PDE1C: variants seen among roughly 807,000 people sequenced by gnomAD.
PDE1C encodes the protein phosphodiesterase 1C.
Under a neutral mutation model 93.1 loss-of-function variants are expected in PDE1C, and 62 were observed. The observed-to-expected ratio is 0.67, with a 90% confidence interval of 0.54 to 0.82. PDE1C has a LOEUF of 0.82. PDE1C is among the 40% of genes least tolerant of loss of function. The pLI, the probability that PDE1C is intolerant of heterozygous loss-of-function variation, is 0.00. For missense variants in PDE1C, 742 were observed against 884.6 expected (o/e 0.84, Z 2.04); for synonymous variants, 325 against 310.1 (o/e 1.05, Z -0.50).
At chr7:31,861,488 G>A (rs1218440088) in intron 7 of PDE1C, among the ~76,000 whole-genome samples, 1 of 151,818 alleles carries the variant, frequency 6.6e-6, no homozygotes, top group East Asian at 1.9e-4. Context: ...CTCTGTAAAT[G>A]GATGTCTACT....
At chr7:31,746,967 A>C (rs1794020375), downstream of PDE1C, among the ~76,000 whole-genome samples, 1 of 152,176 alleles carries the variant, frequency 6.6e-6, no homozygotes, top group Non-Finnish European at 1.5e-5. Context: ...CTTCTCCTAG[A>C]AAGGTAGGTA....
chr7:32,109,110 T>C (rs981426630), intron 3 of PDE1C, among the ~76,000 whole-genome samples: 1 of 152,170 alleles, frequency 6.6e-6, no homozygotes, highest in Admixed American at 6.5e-5. Context: ...CACCCTTCTC[T>C]GGACACAGCA....
At chr7:31,624,217 A>G in the PDE1C span, among the ~76,000 whole-genome samples, 62 of 147,346 alleles carry the variant, frequency 4.2e-4, no homozygotes, top group East Asian at 3.9e-3. Context: ...TATAGATTCA[A>G]TGCCATCCCC....
chr7:31,714,828 G>T, the PDE1C span, among the ~76,000 whole-genome samples: 2 of 152,146 alleles, frequency 1.3e-5, no homozygotes, highest in Non-Finnish European at 2.9e-5. Flanking sequence ...CCTCCCACCA[G>T]GTCCCTCCCA....
chr7:32,191,588 T>C (rs1804234654), intron 2 of PDE1C, among the ~76,000 whole-genome samples: 2 of 152,346 alleles, frequency 1.3e-5, no homozygotes, highest in South Asian at 2.1e-4. Context: ...TGCTGAGTAA[T>C]AGTCCAGCAC....
In PDE1C at chr7:31,949,332, C is replaced by G. The variant is rs982392626; in HGVS notation, c.129-68472G>C. ...AAAATTAGCCAGACATGGTGGCACA[C>G]ACCTGTAATCCCAGCTGCTCGGGAG... is the stretch of plus-strand genomic sequence containing the variant. On this transcript the variant is annotated intron_variant, in intron 2 of 17. Coordinates refer to ENST00000396191, the MANE Select transcript of PDE1C (RefSeq NM_001191057.4). 5.9e-5 allele frequency among the ~76,000 whole-genome samples: 9 copies of G among 152,214 alleles called. No homozygotes were observed. In the East Asian group the frequency reaches 1.5e-3, roughly 26 times the overall value.
At chr7:32,000,092 G>A (rs775708142) in intron 2 of PDE1C, among the ~76,000 whole-genome samples, 1 of 152,118 alleles carries the variant, frequency 6.6e-6, no homozygotes, top group East Asian at 1.9e-4. Flanking sequence ...CCTACCTCAC[G>A]GTCACTGTGA....
chr7:31,879,251 T>G, intron 3 of PDE1C, 73 bp from the exon 4 acceptor site: 1 of 1,428,982 alleles, frequency 7.0e-7, no homozygotes, highest in Non-Finnish European at 9.5e-7. Context: ...AAGCAGCTGC[T>G]CCTCTCTGCC....
At chr7:31,678,265 G>C in the PDE1C span, among the ~76,000 whole-genome samples, 1 of 152,040 alleles carries the variant, frequency 6.6e-6, no homozygotes, top group South Asian at 2.1e-4. Flanking sequence ...AGCAAGAATA[G>C]CAGAAAATCC....
intron 2 of PDE1C, among the ~76,000 whole-genome samples, chr7:31,897,791 T>A (rs1273643966): frequency 6.6e-6 from 1 of 152,184 alleles, no homozygotes; most frequent in African/African-American, 2.4e-5. Flanking sequence ...CGCTCATTAA[T>A]TCTTCTATAT....
intron 2 of PDE1C, among the ~76,000 whole-genome samples, chr7:32,193,531 A>G (rs7799365): frequency 0.038 from 5,758 of 152,234 alleles, 372 homozygotes; most frequent in African/African-American, 0.13. Flanking sequence ...TTTGTTTTAT[A>G]TATTATTGAA....
intron 1 of PDE1C, among the ~76,000 whole-genome samples, chr7:32,327,859 T>C (rs1751982248): frequency 6.6e-6 from 1 of 151,354 alleles, no homozygotes; most frequent in South Asian, 2.1e-4. Flanking sequence ...CTGAGATTCA[T>C]CCATGTTGTT....
At chr7:32,267,046 T>C (rs1276864088) in intron 1 of PDE1C, among the ~76,000 whole-genome samples, 1 of 152,058 alleles carries the variant, frequency 6.6e-6, no homozygotes, top group East Asian at 1.9e-4. Flanking sequence ...GAGTTCAGAG[T>C]GTCCCAGGGA....
At chr7:31,864,910 T>C in intron 7 of PDE1C, 32 bp downstream of exon 7, 1 of 1,602,192 alleles carries the variant, frequency 6.2e-7, no homozygotes, top group Non-Finnish European at 8.5e-7. Flanking sequence ...TTACATCTTT[T>C]GGGGAACCTA....
At chr7:31,976,177 T>C (rs372197206) in intron 2 of PDE1C, among the ~76,000 whole-genome samples, 2 of 152,200 alleles carry the variant, frequency 1.3e-5, no homozygotes, top group African/African-American at 4.8e-5. Flanking sequence ...AACTGAATAA[T>C]ATATAACGGC....
At chr7:32,176,526 TAAC>T (rs1031967219) in intron 2 of PDE1C, among the ~76,000 whole-genome samples, 1 of 140,330 alleles carries the variant, frequency 7.1e-6, no homozygotes, top group African/African-American at 2.8e-5. Flanking sequence ...AATATATAGT[TAAC>T]AAAAAAATTT....
chr7:31,661,614 G>A, the PDE1C span, among the ~76,000 whole-genome samples: 1 of 152,166 alleles, frequency 6.6e-6, no homozygotes, highest in Non-Finnish European at 1.5e-5. Flanking sequence ...TTGGGAGGCT[G>A]AGGTAGGAGA....
the PDE1C span, among the ~76,000 whole-genome samples, chr7:31,722,773 G>A: frequency 1.3e-5 from 2 of 152,296 alleles, no homozygotes; most frequent in South Asian, 4.1e-4. Context: ...CATGATTGGA[G>A]TGCAGGAAGC....
intron 2 of PDE1C, among the ~76,000 whole-genome samples, chr7:31,949,893 T>A (rs1228689549): frequency 6.6e-6 from 1 of 152,216 alleles, no homozygotes; most frequent in Non-Finnish European, 1.5e-5. Flanking sequence ...GTTGCTAGTT[T>A]ACTTTCTTCG....
Sources: gnomAD v4.1 joint callset for allele counts (sites outside exome capture counted in the v4.1 genomes callset) on GRCh38, gnomAD v4.1.1 for gene constraint, MANE v1.5 for transcripts, NCBI Gene and HGNC (gene_info 2026-07-23, HGNC 2026-07-21) for gene names.